NMNAT2: variants seen among roughly 807,000 people sequenced by gnomAD.
NMNAT2 encodes the protein nicotinamide nucleotide adenylyltransferase 2, also known as nicotinamide/nicotinic acid mononucleotide adenylyltransferase 2.
Under a neutral mutation model 41.6 loss-of-function variants are expected in NMNAT2, and 11 were observed. That is an observed-to-expected ratio of 0.26 (90% confidence interval 0.17 to 0.44). The LOEUF is 0.44. Among genes scored for constraint, NMNAT2 ranks in the 20% least tolerant of loss-of-function variants. The pLI, the probability that NMNAT2 is intolerant of heterozygous loss-of-function variation, is 1.00. For synonymous variants in NMNAT2, 148 were observed against 151.2 expected (o/e 0.98, Z 0.16); for missense variants, 288 against 407.7 (o/e 0.71, Z 2.53).
At chr1:183,339,573 T>A (rs1302500612) in intron 1 of NMNAT2, among the ~76,000 whole-genome samples, 1 of 151,850 alleles carries the variant, frequency 6.6e-6, no homozygotes, top group Non-Finnish European at 1.5e-5. Context: ...GAGATTTACC[T>A]TGTCTGAGCT....
chr1:183,364,068 GTCTAT>G (rs1299018180), intron 1 of NMNAT2, among the ~76,000 whole-genome samples: 1 of 152,152 alleles, frequency 6.6e-6, no homozygotes, highest in Admixed American at 6.5e-5. Flanking sequence ...CCTCTAAGTA[GTCTAT>G]TCTATTAGGG....
At chr1:183,282,038 TC>T (rs1661284382) in intron 7 of NMNAT2, among the ~76,000 whole-genome samples, 1 of 152,146 alleles carries the variant, frequency 6.6e-6, no homozygotes, top group African/African-American at 2.4e-5. Context: ...CTGCAGCCCA[TC>T]CCAGTTTCCA....
At chr1:183,332,238 C>T (rs1044229106) in intron 1 of NMNAT2, among the ~76,000 whole-genome samples, 1 of 152,178 alleles carries the variant, frequency 6.6e-6, no homozygotes, top group Non-Finnish European at 1.5e-5. Flanking sequence ...TGGGCCTTTT[C>T]TAGAATTTTC....
In NMNAT2 at chr1:183,346,462, C is replaced by T. The variant is rs150628225; in HGVS notation, c.86-52669G>A. Among the ~76,000 whole-genome samples, 4 of 152,248 alleles carry T rather than the reference C, an allele frequency of 2.6e-5. No individual in the cohort carries two copies. The East Asian group carries it at 7.7e-4, about 29-fold the overall frequency. ...CACTGGTTGGGACTGAGCTTCTGCA[C>T]GAGGCACAACAGACCATACCAAAAT... On this transcript the variant is annotated intron_variant, in intron 1 of 10. Coordinates refer to ENST00000287713, the MANE Select transcript of NMNAT2 (RefSeq NM_015039.4).
chr1:183,378,538 A>G (rs1348092601), intron 1 of NMNAT2, among the ~76,000 whole-genome samples: 1 of 151,522 alleles, frequency 6.6e-6, no homozygotes, highest in Non-Finnish European at 1.5e-5. Context: ...CTGGGCAACA[A>G]GAGTGAGACT....
rs992962949 is a variant in NMNAT2, at chr1:183,250,071, G to C, written c.*2570C>G. On this transcript the variant is annotated 3_prime_UTR_variant, in exon 11 of 11. Transcript: ENST00000287713. ...AACAAAAGAAATCGAGCCTTCCTCA[G>C]GTCTGCTCACGTGGGTCCCATAAAT... 5 of 152,192 alleles carry C rather than the reference G, an allele frequency of 3.3e-5. No individual in the cohort carries two copies. The highest frequency in any genetic ancestry group is 9.7e-5 in the African/African-American group (4 of 41,412). 9.4% of individuals were successfully genotyped at this position (152,192 alleles called of 1,614,324 possible). A position where few individuals can be genotyped will look rare whatever the true frequency, so the allele number is the denominator to read the frequency against.
At chr1:183,378,208 A>G (rs1023692224) in intron 1 of NMNAT2, among the ~76,000 whole-genome samples, 3 of 152,160 alleles carry the variant, frequency 2.0e-5, no homozygotes, top group African/African-American at 7.2e-5. Flanking sequence ...CCTTGCCAAC[A>G]TGGTGAAACC....
Position 183,354,026 on chromosome 1 carries a change from G to A in NMNAT2, c.86-60233C>T, listed in dbSNP as rs969929038. Among the ~76,000 whole-genome samples, 6 of 152,152 alleles carry A rather than the reference G, an allele frequency of 3.9e-5. 1 individual carries two copies. The highest frequency in any genetic ancestry group is 3.9e-4 in the Admixed American group (6 of 15,270). On this transcript the variant is annotated intron_variant, in intron 1 of 10. Transcript: ENST00000287713. ...CAATGACAATCTTTCTCTGATGAAT[G>A]TTTTATGAGTTTAGTAGATAAAATT...
intron 1 of NMNAT2, among the ~76,000 whole-genome samples, chr1:183,349,215 A>G (rs1398125385): frequency 6.6e-6 from 1 of 152,256 alleles, no homozygotes; most frequent in Non-Finnish European, 1.5e-5. Context: ...TGAATCATCA[A>G]TTTAATAACA....
At position 183,293,798 on chromosome 1, in the gene NMNAT2, T is replaced by C; in HGVS notation, c.86-5A>G. On this transcript the variant is annotated splice_region_variant and splice_polypyrimidine_tract_variant and intron_variant, in intron 1 of 10. Coordinates refer to ENST00000287713, the MANE Select transcript of NMNAT2 (RefSeq NM_015039.4). ...GCAGATAATCCCTGGCTCTTTCTAA[T>C]TAAGAGAAGAAACCCACACATTATA... The C allele has an allele frequency of 6.2e-7, 1 of 1,607,480 alleles. No individual in the cohort carries two copies. The highest frequency in any genetic ancestry group is 8.5e-7 in the Non-Finnish European group (1 of 1,174,058).
intron 1 of NMNAT2, among the ~76,000 whole-genome samples, chr1:183,305,662 A>T (rs1661976276): frequency 6.6e-6 from 1 of 150,710 alleles, no homozygotes; most frequent in Admixed American, 6.6e-5. Flanking sequence ...TTGAAAGGTC[A>T]GTAGTTGCTT....
intron 1 of NMNAT2, among the ~76,000 whole-genome samples, chr1:183,331,770 G>A (rs908577754): frequency 6.6e-6 from 1 of 151,764 alleles, no homozygotes; most frequent in Non-Finnish European, 1.5e-5. Context: ...CACGCCCCAC[G>A]GTGCATAGTT....
chr1:183,335,875 A>C (rs1257482546), intron 1 of NMNAT2, among the ~76,000 whole-genome samples: 2 of 152,246 alleles, frequency 1.3e-5, no homozygotes, highest in African/African-American at 4.8e-5. Context: ...TTGGATAAAT[A>C]ATCTGTGAAT....
Position 183,248,366 on chromosome 1 carries a change from ATTT to A in NMNAT2, c.*4272_*4274del, listed in dbSNP as rs1050530376. The A allele has an allele frequency of 3.3e-5, 5 of 152,748 alleles. No homozygotes were observed. Among genetic ancestry groups the A allele is most frequent in the African/African-American group, 1.2e-4 (5 of 41,564 alleles). 9.5% of individuals were successfully genotyped at this position (152,748 alleles called of 1,614,324 possible). A position where few individuals can be genotyped will look rare whatever the true frequency, so the allele number is the denominator to read the frequency against. On this transcript the variant is annotated 3_prime_UTR_variant, in exon 11 of 11. Coordinates refer to ENST00000287713, the MANE Select transcript of NMNAT2 (RefSeq NM_015039.4). The stretch of plus-strand genomic sequence containing the variant: ...GAAATGGTATTGCAACTTGAATATC[ATTT>A]TTTATTAATGAATTGATTTCCATAA...
At chr1:183,293,553 T>A in intron 2 of NMNAT2, 152 bp downstream of exon 2, 2 of 636,828 alleles carry the variant, frequency 3.1e-6, no homozygotes, top group South Asian at 3.7e-5. Flanking sequence ...GGTCCTGAGA[T>A]GGGAAGCAGG....
At chr1:183,284,822 A>C in intron 5 of NMNAT2, 32 bp from the exon 6 acceptor site, 1 of 1,586,676 alleles carries the variant, frequency 6.3e-7, no homozygotes, top group Non-Finnish European at 8.7e-7. Flanking sequence ...ACAGGGACAG[A>C]GTGGGAGAGA....
chr1:183,271,844 C>A (rs1235417581), intron 8 of NMNAT2, among the ~76,000 whole-genome samples: 1 of 152,106 alleles, frequency 6.6e-6, no homozygotes, highest in Non-Finnish European at 1.5e-5. Flanking sequence ...CCTGCACCTC[C>A]CGGGTTCAAG....
rs192896237 is a variant in NMNAT2, at chr1:183,354,697, G to A, written c.86-60904C>T. On this transcript the variant is annotated intron_variant, in intron 1 of 10. Transcript: ENST00000287713. ...CTCCGAAAGTGCTGGGATTACAGGC[G>A]TGAGCCACTGTGCCAACCATCTTTA... is the stretch of plus-strand genomic sequence containing the variant. Among the ~76,000 whole-genome samples the A allele has an allele frequency of 3.9e-4, 59 of 152,212 alleles. 1 individual carries two copies. In the East Asian group the frequency reaches 0.01, roughly 27 times the overall value.
intron 1 of NMNAT2, among the ~76,000 whole-genome samples, chr1:183,344,851 A>ATAGT (rs550761300): frequency 6.6e-6 from 1 of 152,212 alleles, no homozygotes; most frequent in Non-Finnish European, 1.5e-5. Flanking sequence ...CCACTACCAC[A>ATAGT]TAGTTAGTGA....
Sources: allele counts gnomAD v4.1 joint callset (sites outside exome capture counted in the v4.1 genomes callset), GRCh38; gene constraint gnomAD v4.1.1; transcripts MANE v1.5; gene names NCBI Gene and HGNC (gene_info 2026-07-23, HGNC 2026-07-21).